The following MYO3B variants were observed in gnomAD, a reference collection of about 807,000 sequenced individuals.
MYO3B encodes the protein myosin IIIB.
MYO3B carries 156 observed loss-of-function variants against 174.6 expected under a neutral mutation model. The observed-to-expected ratio is 0.89, with a 90% CI of 0.78 to 1.02. MYO3B has a LOEUF of 1.02. MYO3B is among the 50% of genes least tolerant of loss of function. The pLI is 0.00. For synonymous variants in MYO3B, 563 were observed against 569.1 expected (o/e 0.99, Z 0.15); for missense variants, 1,632 against 1,639.4 (o/e 1.00, Z 0.08).
intron 31 of MYO3B, 98 bp downstream of exon 31, chr2:170,543,064 C>T (rs1690227820): frequency 2.1e-6 from 2 of 951,448 alleles, no homozygotes; most frequent in Non-Finnish European, 3.2e-6. Flanking sequence ...CGTGGTTGGA[C>T]CATCCAAACT....
At chr2:170,617,150 G>A (rs1482717002) in intron 32 of MYO3B, among the ~76,000 whole-genome samples, 1 of 152,096 alleles carries the variant, frequency 6.6e-6, no homozygotes, top group African/African-American at 2.4e-5. Flanking sequence ...TGCAACTCCA[G>A]CAGTAGCAGC....
chr2:170,647,953 T>C (rs1202754495), intron 32 of MYO3B: 1 of 152,092 alleles, frequency 6.6e-6, no homozygotes, highest in Non-Finnish European at 1.5e-5. Context: ...GTCTTTTGAG[T>C]TACCATGGAC....
At chr2:170,317,106 A>G (rs2093780984) in intron 7 of MYO3B, among the ~76,000 whole-genome samples, 1 of 152,192 alleles carries the variant, frequency 6.6e-6, no homozygotes, top group Non-Finnish European at 1.5e-5. Flanking sequence ...TAGATGGAAT[A>G]GCAGGGAAGT....
intron 25 of MYO3B, 93 bp from the exon 26 acceptor site, chr2:170,498,498 TA>T: frequency 2.5e-6 from 2 of 799,348 alleles, no homozygotes. Flanking sequence ...TATTTACTAT[TA>T]AAAAACAAGG....
chr2:170,583,668 T>G (rs1478608693), intron 32 of MYO3B, among the ~76,000 whole-genome samples: 7 of 152,238 alleles, frequency 4.6e-5, no homozygotes, highest in African/African-American at 1.7e-4. Context: ...TAAGTGTTTT[T>G]CACACAATAT....
Position 170,383,085 on chromosome 2 carries a change from C to T in MYO3B, c.1081C>T (p.His361Tyr). Residue 361 changes from histidine to tyrosine, a missense_variant, in exon 11 of 35, where the codon CAT becomes TAT. Coordinates refer to ENST00000408978, the MANE Select transcript of MYO3B (RefSeq NM_138995.5). ...ATCCTCTTCTTAGGATACAATTATC[C>T]ATCAGTTGCAGAAACGTTATGCAGA... The part of the protein sequence containing the change: ...LEVLDEDTII[H>Y]QLQKRYADLL... 6.2e-7 allele frequency: 1 copy of T among 1,606,132 alleles called. No homozygotes were observed. Among genetic ancestry groups the T allele is most frequent in the Non-Finnish European group, 8.5e-7 (1 of 1,173,126 alleles).
At chr2:170,632,797 G>A (rs1025767578) in intron 32 of MYO3B, among the ~76,000 whole-genome samples, 2 of 151,292 alleles carry the variant, frequency 1.3e-5, no homozygotes, top group African/African-American at 2.4e-5. Flanking sequence ...AATGATAAAC[G>A]GCATATCACC....
intron 3 of MYO3B, among the ~76,000 whole-genome samples, chr2:170,207,666 GA>G (rs11289230): frequency 0.43 from 60,073 of 140,730 alleles, 12,180 homozygotes; most frequent in East Asian, 0.48. Context: ...GGAAGAGAAA[GA>G]AAAAAAAAAA....
At chr2:170,407,694 C>T (rs761302256) in intron 21 of MYO3B, 21 bp from the exon 22 acceptor site, 90 of 1,606,790 alleles carry the variant, frequency 5.6e-5, no homozygotes, top group East Asian at 1.4e-4. Context: ...GCTAATTTGC[C>T]GTTTGCTATT....
intron 18 of MYO3B, among the ~76,000 whole-genome samples, chr2:170,402,441 C>T (rs564144495): frequency 5.3e-5 from 8 of 152,212 alleles, no homozygotes; most frequent in South Asian, 2.1e-4. Flanking sequence ...CTTTCCTAGG[C>T]GTAGTGGTTT....
chr2:170,368,600 G>A (rs981468601), intron 8 of MYO3B, among the ~76,000 whole-genome samples: 1 of 152,152 alleles, frequency 6.6e-6, no homozygotes, highest in Non-Finnish European at 1.5e-5. Context: ...CATTTCGAAT[G>A]GACTTTTTGT....
At chr2:170,558,847 A>G (rs562903988) in intron 32 of MYO3B, among the ~76,000 whole-genome samples, 9 of 152,346 alleles carry the variant, frequency 5.9e-5, no homozygotes, top group African/African-American at 1.9e-4. Context: ...ACTTTGGTCA[A>G]GTTAACTTAA....
In MYO3B at chr2:170,507,420, G is replaced by C. The variant is rs1333900489; in HGVS notation, c.3370+5555G>C. The stretch of plus-strand genomic sequence containing the variant: ...TTCTTTTTCTTTTTCTTTTTTTTGA[G>C]ATGGAGTCTCACTCTGTCACCCAGG... On this transcript the variant is annotated intron_variant, in intron 28 of 34. Coordinates refer to ENST00000408978, the MANE Select transcript of MYO3B (RefSeq NM_138995.5). 2.0e-5 allele frequency among the ~76,000 whole-genome samples: 3 copies of C among 151,698 alleles called. 1 individual carries two copies. Among genetic ancestry groups the C allele is most frequent in the Non-Finnish European group, 4.4e-5 (3 of 67,938 alleles).
chr2:170,507,043 T>C (rs559581564), intron 28 of MYO3B, among the ~76,000 whole-genome samples: 5 of 152,354 alleles, frequency 3.3e-5, no homozygotes, highest in Admixed American at 3.3e-4. Context: ...TCAAACTCAC[T>C]GTCTTTATCA....
Position 170,199,272 on chromosome 2 carries a change from C to G in MYO3B, c.67C>G (p.Pro23Ala). 1 of 1,613,524 alleles carries G rather than the reference C, an allele frequency of 6.2e-7. No individual in the cohort carries two copies. The highest frequency in any genetic ancestry group is 8.5e-7 in the Non-Finnish European group (1 of 1,179,632). ...MMLGLESLPD[P>A]TDTWEIIETI... is the part of the protein sequence containing the mutation. ...GCTTGGACTTGAATCACTTCCAGAT[C>G]CCACAGACACCTGGGAAATTATAGA... Residue 23 changes from proline to alanine, a missense_variant, in exon 2 of 35, where the codon CCC (proline) becomes GCC (alanine). Coordinates refer to ENST00000408978, the MANE Select transcript of MYO3B (RefSeq NM_138995.5).
chr2:170,329,058 A>G (rs2093890891), intron 7 of MYO3B, among the ~76,000 whole-genome samples: 1 of 151,982 alleles, frequency 6.6e-6, no homozygotes, highest in Admixed American at 6.6e-5. Flanking sequence ...AAGCTGAGAC[A>G]GGAGAATCAC....
chr2:170,561,611 A>T (rs1691715776), intron 32 of MYO3B, among the ~76,000 whole-genome samples: 1 of 152,222 alleles, frequency 6.6e-6, no homozygotes, highest in African/African-American at 2.4e-5. Context: ...CAGGTTAAGA[A>T]TTCTTGTACT....
At chr2:170,544,095 T>C (rs2106207588) in intron 32 of MYO3B, 107 bp downstream of exon 32, 1 of 847,490 alleles carries the variant, frequency 1.2e-6, no homozygotes, top group African/African-American at 1.7e-5. Flanking sequence ...TATGACCAAA[T>C]GTTGGCAAAA....
chr2:170,468,517 A>C (rs901821133), intron 25 of MYO3B, among the ~76,000 whole-genome samples: 4 of 152,136 alleles, frequency 2.6e-5, no homozygotes, highest in African/African-American at 9.7e-5. Flanking sequence ...GGCTTGGCCA[A>C]GCCTAAAATA....
Sources: allele counts gnomAD v4.1 joint callset (sites outside exome capture counted in the v4.1 genomes callset), GRCh38; gene constraint gnomAD v4.1.1; transcripts MANE v1.5; gene names NCBI Gene and HGNC (gene_info 2026-07-23, HGNC 2026-07-21).